Variants in ASCC3 observed in about 807,000 individuals in gnomAD.
ASCC3 encodes ASC-1 complex subunit P200.
A neutral mutation model predicts 256.3 loss-of-function variants in ASCC3; 158 were observed. The observed-to-expected ratio is 0.62, with a 90% CI of 0.54 to 0.70. The LOEUF (loss-of-function observed/expected upper bound fraction) is 0.70, where lower values mean the gene tolerates loss of function less well. ASCC3 is among the 30% of genes least tolerant of loss of function. The probability of loss-of-function intolerance (pLI) is 0.00; values close to 1 mark genes in which losing one functional copy is unlikely to be tolerated. For missense variants in ASCC3, 2,259 were observed against 2,626.0 expected (o/e 0.86, Z 3.05); for synonymous variants, 948 against 883.4 (o/e 1.07, Z -1.30).
At chr6:100,789,468 A>C (rs988973173) in intron 8 of ASCC3, among the ~76,000 whole-genome samples, 6 of 151,960 alleles carry the variant, frequency 3.9e-5, no homozygotes, top group African/African-American at 1.4e-4. Flanking sequence ...GGAAATAGTA[A>C]TTTGTACATT....
chr6:100,511,714 A>G (rs907568386), intron 40 of ASCC3, among the ~76,000 whole-genome samples: 33 of 151,288 alleles, frequency 2.2e-4, no homozygotes, highest in African/African-American at 7.8e-4. Context: ...CTTCGTATCA[A>G]AAAAAAAAGC....
At chr6:100,571,269 C>T (rs1356690137) in intron 36 of ASCC3, among the ~76,000 whole-genome samples, 1 of 152,186 alleles carries the variant, frequency 6.6e-6, no homozygotes, top group Non-Finnish European at 1.5e-5. Flanking sequence ...TTTCTCATGA[C>T]TTGCTCCTGC....
chr6:100,853,420 C>CTTTTTTTTTTTT (rs11299576), intron 3 of ASCC3, among the ~76,000 whole-genome samples: 2 of 127,668 alleles, frequency 1.6e-5, no homozygotes. Flanking sequence ...ATAAATATTC[C>CTTTTTTTTTTTT]TTTTTTTTTT....
Position 100,793,348 on chromosome 6 carries a change from T to C in ASCC3, c.1395+5365A>G, listed in dbSNP as rs528768032. The stretch of plus-strand genomic sequence containing the variant: ...ATGGATCCTTTTCATGAGATCACTT[T>C]GAAGACAATGAAATGTCACTAAAAC... On this transcript the variant is annotated intron_variant, in intron 8 of 41. Coordinates refer to ENST00000369162, the MANE Select transcript of ASCC3 (RefSeq NM_006828.4). 3.9e-4 allele frequency among the ~76,000 whole-genome samples: 60 copies of C among 152,074 alleles called. 1 individual carries two copies. The highest frequency in any genetic ancestry group is 2.6e-4 in the Admixed American group (4 of 15,216).
At chr6:100,634,869 A>AAAAC (rs1774755153) in intron 25 of ASCC3, among the ~76,000 whole-genome samples, 1 of 65,580 alleles carries the variant, frequency 1.5e-5, no homozygotes, top group African/African-American at 3.2e-5. Context: ...AAAAACAAAA[A>AAAAC]AAAAAAAAAA....
chr6:100,655,635 C>A, intron 17 of ASCC3, 64 bp downstream of exon 17: 2 of 1,546,350 alleles, frequency 1.3e-6, no homozygotes, highest in Non-Finnish European at 1.8e-6. Flanking sequence ...AAATATCTAT[C>A]CTCATATCAT....
At chr6:100,644,210 C>A in intron 22 of ASCC3, 81 bp from the exon 23 acceptor site, 1 of 918,784 alleles carries the variant, frequency 1.1e-6, no homozygotes, top group South Asian at 1.3e-5. Flanking sequence ...ACTCTAGAAG[C>A]TTTATTGATA....
chr6:100,606,662 T>C, intron 32 of ASCC3, 78 bp downstream of exon 32: 6 of 1,449,900 alleles, frequency 4.1e-6, no homozygotes, highest in Non-Finnish European at 5.6e-6. Context: ...TGGTGGAAAT[T>C]CAAATTAATT....
At position 100,537,203 on chromosome 6, in the gene ASCC3, A is replaced by G. The variant is rs146988926; in HGVS notation, c.5775+2960T>C. ...ATTGTATAAAGTCAATATCATTGCC[A>G]TACACATCTGTCATAAGCCTCCTGA... is the stretch of plus-strand genomic sequence containing the variant. On this transcript the variant is annotated intron_variant, in intron 37 of 41. Coordinates refer to ENST00000369162, the MANE Select transcript of ASCC3 (RefSeq NM_006828.4). Among the ~76,000 whole-genome samples the G allele has an allele frequency of 3.0e-4, 46 of 152,312 alleles. No homozygotes were observed. In the East Asian group the frequency reaches 8.3e-3, roughly 27 times the overall value.
At chr6:100,601,707 AG>A in intron 34 of ASCC3, 102 bp downstream of exon 34, 1 of 1,381,166 alleles carries the variant, frequency 7.2e-7, no homozygotes, top group Non-Finnish European at 1.0e-6. Flanking sequence ...GAATCTCCAA[AG>A]TTCTGCCTTT....
chr6:100,851,218 G>A (rs1321117302), intron 3 of ASCC3, among the ~76,000 whole-genome samples: 1 of 152,048 alleles, frequency 6.6e-6, no homozygotes, highest in Non-Finnish European at 1.5e-5. Flanking sequence ...TTTCCCCTAT[G>A]TCACACTGAT....
At chr6:100,869,056 C>T (rs1773615287) in intron 1 of ASCC3, among the ~76,000 whole-genome samples, 1 of 152,182 alleles carries the variant, frequency 6.6e-6, no homozygotes, top group Non-Finnish European at 1.5e-5. Flanking sequence ...GTCACATAAG[C>T]TATGTAAGTC....
intron 37 of ASCC3, among the ~76,000 whole-genome samples, chr6:100,519,035 G>A (rs546819339): frequency 6.6e-6 from 1 of 152,138 alleles, no homozygotes; most frequent in South Asian, 2.1e-4. Context: ...TTTATAAAAT[G>A]TACAAAATCT....
In ASCC3 at chr6:100,606,760, T is replaced by G; in HGVS notation, c.5024A>C (p.Tyr1675Ser). The stretch of plus-strand genomic sequence containing the variant: ...ATTACCTGTAATGGGAAAATCCACA[T>G]AACGTCTTGTTTTTCCATCATAGTA... ...TEYYDGKTRRYVDFPITDVLQ... is the reference protein window; with the variant it reads ...TEYYDGKTRRSVDFPITDVLQ... The change falls in exon 32 of 42, where the codon TAT becomes TCT. Residue 1675 changes from tyrosine to serine, a missense_variant. By Grantham distance (144) the Tyr-to-Ser change is moderately radical. Coordinates refer to ENST00000369162, the MANE Select transcript of ASCC3 (RefSeq NM_006828.4). 1 of 1,604,808 alleles carries G rather than the reference T, an allele frequency of 6.2e-7. No individual in the cohort carries two copies. The highest frequency in any genetic ancestry group is 8.5e-7 in the Non-Finnish European group (1 of 1,177,122).
At chr6:100,867,537 GAATTTTACCAGAGACCTACTGGTA>G (rs1278018879) in intron 2 of ASCC3, among the ~76,000 whole-genome samples, 1 of 151,792 alleles carries the variant, frequency 6.6e-6, no homozygotes. Context: ...CATTTGATAA[GAATTTTACCAGAGACCTACTGGTA>G]AATTTTACCA....
At chr6:100,742,772 C>T (rs1212623511) in intron 10 of ASCC3, among the ~76,000 whole-genome samples, 1 of 152,210 alleles carries the variant, frequency 6.6e-6, no homozygotes, top group Non-Finnish European at 1.5e-5. Flanking sequence ...CAGCCCCCAT[C>T]CTCCTCACCC....
chr6:100,552,637 A>G (rs193265642), intron 36 of ASCC3, among the ~76,000 whole-genome samples: 3 of 152,138 alleles, frequency 2.0e-5, no homozygotes, highest in Admixed American at 2.0e-4. Flanking sequence ...TGTGATAAAG[A>G]AATATGCTCT....
intron 2 of ASCC3, among the ~76,000 whole-genome samples, chr6:100,867,478 A>C (rs1393762543): frequency 6.6e-6 from 1 of 152,190 alleles, no homozygotes; most frequent in Non-Finnish European, 1.5e-5. Flanking sequence ...CTCTGAGTTC[A>C]AGAGATTAAT....
chr6:100,860,831 T>C (rs1439831576), intron 3 of ASCC3, among the ~76,000 whole-genome samples: 1 of 152,066 alleles, frequency 6.6e-6, no homozygotes. Context: ...ACACTGCATA[T>C]GTTGGCATAA....
Sources: allele counts gnomAD v4.1 joint callset (sites outside exome capture counted in the v4.1 genomes callset), GRCh38; gene constraint gnomAD v4.1.1; transcripts MANE v1.5; gene names NCBI Gene and HGNC (gene_info 2026-07-23, HGNC 2026-07-21).